The following HIPK3 variants were observed in gnomAD, a reference collection of about 807,000 sequenced individuals.
HIPK3 encodes homeodomain-interacting protein kinase 3.
A neutral mutation model predicts 124.2 loss-of-function variants in HIPK3; 47 were observed. The ratio of observed to expected loss-of-function variants is 0.38; its 90% CI spans 0.30 to 0.48. The LOEUF (loss-of-function observed/expected upper bound fraction) is 0.48, where lower values mean the gene tolerates loss of function less well. HIPK3 is among the 20% of genes least tolerant of loss of function. HIPK3 has a pLI of 0.98. For missense variants in HIPK3, 1,286 were observed against 1,454.3 expected (o/e 0.88, Z 1.88); for synonymous variants, 482 against 515.2 (o/e 0.94, Z 0.87).
At chr11:33,319,314 G>A (rs141700642) in intron 2 of HIPK3, among the ~76,000 whole-genome samples, 1 of 152,306 alleles carries the variant, frequency 6.6e-6, no homozygotes, top group East Asian at 1.9e-4. Context: ...GGCCAATATT[G>A]TGAAACCCCA....
rs1379770007 is a variant in HIPK3 at position 33,353,270 on chromosome 11, C to T, written c.3350C>T (p.Thr1117Ile). 2 of 1,614,058 alleles carry T rather than the reference C, an allele frequency of 1.2e-6. No individual in the cohort carries two copies. Among genetic ancestry groups the T allele is most frequent in the Non-Finnish European group, 1.7e-6 (2 of 1,180,032 alleles). ...AATACACACCTCGGAGGACAGCCTA[C>T]TCTACTTCCATACCCATCATCAGCC... ...AGNTHLGGQPTLLPYPSSATL... is the reference protein window; with the variant it reads ...AGNTHLGGQPILLPYPSSATL... Residue 1117 changes from threonine (T) to isoleucine (I), a missense_variant, in exon 17 of 17, where the codon ACT (threonine) becomes ATT (isoleucine). Physicochemically the swap from Thr to Ile is moderately conservative, Grantham distance 89 (BLOSUM62 -1). Transcript: ENST00000303296.
chr11:33,342,088 G>C (rs1853352776), intron 8 of HIPK3, among the ~76,000 whole-genome samples: 1 of 132,208 alleles, frequency 7.6e-6, no homozygotes, highest in African/African-American at 2.8e-5. Flanking sequence ...GGGCGACAGA[G>C]TGAGACTCTG....
In HIPK3 at chr11:33,353,440, C is replaced by G; in HGVS notation, c.3520C>G (p.Pro1174Ala). Residue 1174 changes from proline (P) to alanine (A), a missense_variant, in exon 17 of 17, where the codon CCA (proline) becomes GCA (alanine). By Grantham distance (27) the Pro-to-Ala change is conservative. This residue lies in a region of HIPK3 where 810 missense variants were observed against 864.9 expected (regional missense o/e 0.94). Transcript: ENST00000303296. The part of the protein sequence containing the change: ...VPVGLNPRLL[P>A]SPTIHQTQYK... ...AGTGGGCTTAAATCCCCGTCTGTTA[C>G]CATCCCCAACCATTCATCAGACTCA... 1 of 1,613,846 alleles carries G rather than the reference C, an allele frequency of 6.2e-7. No homozygotes were observed.
chr11:33,304,974 G>T (rs1852112231), intron 2 of HIPK3, among the ~76,000 whole-genome samples: 1 of 152,106 alleles, frequency 6.6e-6, no homozygotes, highest in African/African-American at 2.4e-5. Context: ...CACATTATTG[G>T]CTTTGAATAG....
intron 2 of HIPK3, among the ~76,000 whole-genome samples, chr11:33,311,900 A>C: frequency 1.0e-5 from 1 of 96,670 alleles, no homozygotes; most frequent in Non-Finnish European, 2.1e-5. Flanking sequence ...ACATAGCAAG[A>C]CCCTGTTTCT....
intron 1 of HIPK3, among the ~76,000 whole-genome samples, chr11:33,269,520 A>G (rs1805861733): frequency 1.3e-5 from 2 of 151,648 alleles, no homozygotes; most frequent in South Asian, 4.2e-4. Context: ...TATTGTGTAC[A>G]ACATTGACTC....
intron 2 of HIPK3, among the ~76,000 whole-genome samples, chr11:33,310,010 T>C (rs2133940667): frequency 6.6e-6 from 1 of 152,162 alleles, no homozygotes; most frequent in South Asian, 2.1e-4. Flanking sequence ...ATTTCTATTG[T>C]TATTTTAAAG....
At chr11:33,296,942 A>T (rs1324168936) in intron 2 of HIPK3, among the ~76,000 whole-genome samples, 4 of 152,348 alleles carry the variant, frequency 2.6e-5, no homozygotes, top group Non-Finnish European at 5.9e-5. Context: ...GGCGTGTGGA[A>T]AGCCAAGGCA....
At chr11:33,258,579 C>T (rs1850737469) in intron 1 of HIPK3, 18 of 985,300 alleles carry the variant, frequency 1.8e-5, no homozygotes, top group East Asian at 1.1e-4. Context: ...CGGCTTCTCT[C>T]GTTACGGTGG....
At chr11:33,352,780 G>C (rs1159351486) in intron 16 of HIPK3, among the ~76,000 whole-genome samples, 2 of 152,100 alleles carry the variant, frequency 1.3e-5, no homozygotes, top group East Asian at 1.9e-4. Context: ...GTAAATGTTA[G>C]CTTTACATAT....
At chr11:33,324,298 T>C (rs266495) in intron 2 of HIPK3, among the ~76,000 whole-genome samples, 2,101 of 152,270 alleles carry the variant, frequency 0.014, 53 homozygotes, top group African/African-American at 0.048. Context: ...TCTCTGGCAG[T>C]TTCATCTAGA....
rs201805414 is a variant in HIPK3 at position 33,287,488 on chromosome 11, A to C, written c.1074A>C (p.Thr358=). 6.2e-7 allele frequency: 1 copy of C among 1,611,798 alleles called. No homozygotes were observed. Among genetic ancestry groups the C allele is most frequent in the Admixed American group, 1.7e-5 (1 of 59,862 alleles). Residue 358 remains threonine (T), a synonymous_variant, in exon 2 of 17, where the codon ACA becomes ACC. Transcript: ENST00000303296. Reference sequence around the variant, plus strand: ...ATGTATCAAAGACTGTTTGTTCAACATATCTACAATCTCGGTACTACAGGT... The same window carrying C: ...ATGTATCAAAGACTGTTTGTTCAACCTATCTACAATCTCGGTACTACAGGT... ...ASHVSKTVCS[T]YLQSRYYRAP...
chr11:33,321,181 T>C (rs1852653747), intron 2 of HIPK3, among the ~76,000 whole-genome samples: 1 of 152,210 alleles, frequency 6.6e-6, no homozygotes, highest in African/African-American at 2.4e-5. Flanking sequence ...ATCAGCTGTG[T>C]TAAATACTGC....
At chr11:33,294,580 T>C (rs923566569) in intron 2 of HIPK3, among the ~76,000 whole-genome samples, 3 of 152,048 alleles carry the variant, frequency 2.0e-5, no homozygotes, top group East Asian at 1.9e-4. Flanking sequence ...TTCAATATTA[T>C]TGATTTGATG....
At chr11:33,280,900 G>A (rs1851394527) in intron 1 of HIPK3, among the ~76,000 whole-genome samples, 1 of 152,066 alleles carries the variant, frequency 6.6e-6, no homozygotes, top group Non-Finnish European at 1.5e-5. Flanking sequence ...GAATTTGCCT[G>A]TGGTTTTTGT....
At chr11:33,262,781 T>A (rs1277726123) in intron 1 of HIPK3, among the ~76,000 whole-genome samples, 1 of 152,110 alleles carries the variant, frequency 6.6e-6, no homozygotes, top group Non-Finnish European at 1.5e-5. Context: ...TTATATTTGT[T>A]CTTTTCTCTT....
At position 33,353,308 on chromosome 11, in the gene HIPK3, G is replaced by A; in HGVS notation, c.3388G>A (p.Ala1130Thr). 6.2e-7 allele frequency: 1 copy of A among 1,614,114 alleles called. No homozygotes were observed. Among genetic ancestry groups the A allele is most frequent in the African/African-American group, 1.3e-5 (1 of 75,030 alleles). The change falls in exon 17 of 17, where the codon GCT becomes ACT. Residue 1130 changes from alanine (A) to threonine (T), a missense_variant. This residue lies in a region of HIPK3 where 810 missense variants were observed against 864.9 expected (regional missense o/e 0.94). Transcript: ENST00000303296. Reference sequence around the variant, plus strand: ...CCCATCATCAGCCACCCTCAGTAGTGCTGCACCAGTGGCCCACCTGTTAGC... The same window carrying A: ...CCCATCATCAGCCACCCTCAGTAGTACTGCACCAGTGGCCCACCTGTTAGC... ...PYPSSATLSS[A>T]APVAHLLASP...
chr11:33,279,221 C>T (rs1430647063), intron 1 of HIPK3, among the ~76,000 whole-genome samples: 7 of 140,064 alleles, frequency 5.0e-5, no homozygotes, highest in East Asian at 4.3e-4. Context: ...GGCTGAGGCG[C>T]GAGAATCACT....
At chr11:33,279,284 C>T (rs201008556) in intron 1 of HIPK3, among the ~76,000 whole-genome samples, 1 of 141,358 alleles carries the variant, frequency 7.1e-6, no homozygotes, top group African/African-American at 2.7e-5. Context: ...TACTGCACTC[C>T]AGCACTCCAG....
Sources: gnomAD v4.1 joint callset for allele counts (sites outside exome capture counted in the v4.1 genomes callset) on GRCh38, gnomAD v4.1.1 for gene constraint, gnomAD v4.1.1 regional missense constraint, MANE v1.5 for transcripts, NCBI Gene and HGNC (gene_info 2026-07-23, HGNC 2026-07-21) for gene names.